The following WDR27 variants were observed in gnomAD, a reference collection of about 807,000 sequenced individuals.
WDR27 encodes WD repeat-containing protein 27.
In WDR27, 100 loss-of-function variants were observed where a neutral mutation model predicts 114.4. That is an observed-to-expected ratio of 0.87 (90% CI 0.74 to 1.03). The LOEUF (loss-of-function observed/expected upper bound fraction) is 1.03. WDR27 is among the 50% of genes least tolerant of loss of function. The probability of loss-of-function intolerance (pLI) is 0.00; values close to 1 mark genes in which losing one functional copy is unlikely to be tolerated. For synonymous variants in WDR27, 449 were observed against 423.1 expected (o/e 1.06, Z -0.75); for missense variants, 1,129 against 1,092.9 (o/e 1.03, Z -0.47).
intron 15 of WDR27, 109 bp from the exon 16 acceptor site, chr6:169,647,979 G>A (rs916987027): frequency 4.1e-5 from 28 of 686,300 alleles, no homozygotes; most frequent in African/African-American, 3.8e-4. Context: ...ATGTATAATC[G>A]TATTCCAGTA....
Position 169,632,963 on chromosome 6 carries a change from T to C in WDR27, c.2207A>G (p.Gln736Arg). 2 of 1,586,778 alleles carry C rather than the reference T, an allele frequency of 1.3e-6. No homozygotes were observed. Among genetic ancestry groups the C allele is most frequent in the South Asian group, 2.3e-5 (2 of 88,826 alleles). ...IAEAHSRPVH[Q>R]ICQNKGSSFT... Reference sequence around the variant, plus strand: ...CTTACTCACTTTATTTTGGCAGATTTGATGGACAGGCCGTGAGTGGGCTTC... The same window carrying C: ...CTTACTCACTTTATTTTGGCAGATTCGATGGACAGGCCGTGAGTGGGCTTC... The change falls in exon 21 of 26, where the codon CAA becomes CGA. Residue 736 changes from glutamine to arginine, a missense_variant. Gln to Arg is a conservative substitution (Grantham distance 43). Coordinates refer to ENST00000448612, the MANE Select transcript of WDR27 (RefSeq NM_182552.5).
chr6:169,513,162 G>A (rs1793128751), intron 25 of WDR27, among the ~76,000 whole-genome samples: 1 of 152,140 alleles, frequency 6.6e-6, no homozygotes, highest in African/African-American at 2.4e-5. Flanking sequence ...CTTGGTTGGG[G>A]GCGGGCTCAG....
intron 22 of WDR27, among the ~76,000 whole-genome samples, chr6:169,609,283 C>G (rs376837001): frequency 2.2e-4 from 33 of 152,298 alleles, no homozygotes; most frequent in African/African-American, 7.2e-4. Context: ...ATTAGGGACT[C>G]TGTGTGGAGG....
At chr6:169,564,740 G>A (rs1756465905) in intron 25 of WDR27, among the ~76,000 whole-genome samples, 1 of 152,124 alleles carries the variant, frequency 6.6e-6, no homozygotes, top group South Asian at 2.1e-4. Context: ...CCCTGGGAGT[G>A]GCCCTGACTT....
At chr6:169,493,191 C>T (rs1176101278) in intron 25 of WDR27, among the ~76,000 whole-genome samples, 3 of 151,818 alleles carry the variant, frequency 2.0e-5, no homozygotes, top group Non-Finnish European at 4.4e-5. Flanking sequence ...AAAAAGTCTG[C>T]CACATAAACA....
intron 1 of WDR27, among the ~76,000 whole-genome samples, chr6:169,691,671 T>A (rs553922424): frequency 6.6e-6 from 1 of 152,388 alleles, no homozygotes; most frequent in Admixed American, 6.5e-5. Context: ...AGTATAATTA[T>A]CTTATTCTCT....
chr6:169,494,773 T>G (rs1790190842), intron 25 of WDR27, among the ~76,000 whole-genome samples: 1 of 152,188 alleles, frequency 6.6e-6, no homozygotes, highest in Non-Finnish European at 1.5e-5. Context: ...TTAATGAATT[T>G]TTTATTAGTA....
At chr6:169,452,706 C>T (rs1161648044), downstream of WDR27, among the ~76,000 whole-genome samples, 3 of 152,268 alleles carry the variant, frequency 2.0e-5, no homozygotes, top group Admixed American at 6.5e-5. Flanking sequence ...CCAGGATCAG[C>T]ACCACGTTCC....
chr6:169,473,480 A>C (rs1401903418), intron 25 of WDR27, among the ~76,000 whole-genome samples: 1 of 152,246 alleles, frequency 6.6e-6, no homozygotes, highest in African/African-American at 2.4e-5. Flanking sequence ...AAGGTGACAA[A>C]GTACAACCTA....
intron 1 of WDR27, among the ~76,000 whole-genome samples, chr6:169,693,466 G>C (rs537639144): frequency 1.3e-5 from 2 of 152,208 alleles, no homozygotes; most frequent in South Asian, 2.1e-4. Flanking sequence ...ATAATGAATA[G>C]AGCAGTACCC....
chr6:169,617,751 A>C (rs2473440), intron 21 of WDR27, among the ~76,000 whole-genome samples: 4 of 152,134 alleles, frequency 2.6e-5, no homozygotes, highest in African/African-American at 9.7e-5. Context: ...TACTGTACAC[A>C]TGGCTGGCAG....
intron 25 of WDR27, among the ~76,000 whole-genome samples, chr6:169,500,015 G>A (rs969843389): frequency 6.6e-6 from 1 of 152,156 alleles, no homozygotes; most frequent in Non-Finnish European, 1.5e-5. Flanking sequence ...TTAGATGGCC[G>A]TACTCAGCAA....
intron 25 of WDR27, among the ~76,000 whole-genome samples, chr6:169,478,222 A>C (rs563261924): frequency 3.0e-4 from 45 of 152,292 alleles, no homozygotes; most frequent in South Asian, 2.7e-3. Context: ...ATAAATTCTC[A>C]TTTACTTGTG....
chr6:169,583,491 ATATATATATATATG>A (rs1562630212), intron 23 of WDR27, among the ~76,000 whole-genome samples: 322 of 6,472 alleles, frequency 0.05, 1 homozygote, highest in African/African-American at 0.086. Flanking sequence ...ATATATACAT[ATATATATATATATG>A]TATATATACA....
intron 25 of WDR27, among the ~76,000 whole-genome samples, chr6:169,465,206 C>T (rs1371709591): frequency 2.1e-5 from 3 of 142,784 alleles, no homozygotes; most frequent in African/African-American, 5.4e-5. Context: ...TGTGGTGAGC[C>T]GAGATTGCAC....
chr6:169,673,174 T>G (rs1306169614), intron 2 of WDR27, among the ~76,000 whole-genome samples: 2 of 151,910 alleles, frequency 1.3e-5, no homozygotes, highest in Non-Finnish European at 2.9e-5. Flanking sequence ...GGGTTTGAGG[T>G]TAAAAACCTA....
intron 25 of WDR27, among the ~76,000 whole-genome samples, chr6:169,459,590 A>T (rs1271399590): frequency 6.6e-6 from 1 of 151,870 alleles, no homozygotes; most frequent in African/African-American, 2.4e-5. Flanking sequence ...TATATCCAAG[A>T]AGTTCAATAA....
intron 23 of WDR27, among the ~76,000 whole-genome samples, chr6:169,589,630 C>T (rs1272008911): frequency 6.6e-6 from 1 of 152,154 alleles, no homozygotes; most frequent in East Asian, 1.9e-4. Context: ...ATCATGACAA[C>T]TTTACATGTG....
At chr6:169,638,700 T>C in intron 17 of WDR27, 40 bp from the exon 18 acceptor site, 3 of 1,565,324 alleles carry the variant, frequency 1.9e-6, no homozygotes, top group Non-Finnish European at 1.7e-6. Flanking sequence ...TTTCTACTAT[T>C]AATATCAGTT....
Sources: allele counts gnomAD v4.1 joint callset (sites outside exome capture counted in the v4.1 genomes callset), GRCh38; gene constraint gnomAD v4.1.1; transcripts MANE v1.5; gene names NCBI Gene and HGNC (gene_info 2026-07-23, HGNC 2026-07-21).